FHIT: variants seen among roughly 807,000 people sequenced by gnomAD.
The protein encoded by FHIT is fragile histidine triad diadenosine triphosphatase.
In FHIT, 19 loss-of-function variants were observed where a neutral mutation model predicts 17.9. That is an observed-to-expected ratio of 1.06 (90% CI 0.74 to 1.56). The LOEUF (loss-of-function observed/expected upper bound fraction) is 1.56. FHIT is among the 40% of genes most tolerant of loss of function. FHIT has a pLI of 0.00. For missense variants in FHIT, 248 were observed against 189.2 expected (o/e 1.31, Z -1.82); for synonymous variants, 81 against 69.7 (o/e 1.16, Z -0.81).
At chr3:60,258,065 T>TAC (rs67553597) in intron 5 of FHIT, among the ~76,000 whole-genome samples, 14,897 of 144,454 alleles carry the variant, frequency 0.1, 1,350 homozygotes, top group East Asian at 0.53. Flanking sequence ...GGAAATTAAA[T>TAC]ACACACACAC....
chr3:59,986,540 T>TATATATACACACAC (rs1473518719), intron 7 of FHIT, among the ~76,000 whole-genome samples: 5 of 12,430 alleles, frequency 4.0e-4, no homozygotes, highest in African/African-American at 1.1e-3. Context: ...TATATATATA[T>TATATATACACACAC]ACACACACAC....
intron 3 of FHIT, among the ~76,000 whole-genome samples, chr3:60,929,448 T>C (rs548287078): frequency 9.2e-5 from 14 of 152,330 alleles, no homozygotes; most frequent in Non-Finnish European, 2.1e-4. Flanking sequence ...GACATGATTG[T>C]GTATCTAGAA....
At chr3:60,698,704 T>C (rs372451921) in intron 4 of FHIT, among the ~76,000 whole-genome samples, 53 of 152,194 alleles carry the variant, frequency 3.5e-4, no homozygotes, top group African/African-American at 1.2e-3. Flanking sequence ...TGAGTCTATA[T>C]ATATTTTACA....
intron 4 of FHIT, among the ~76,000 whole-genome samples, chr3:60,550,224 A>G (rs572868977): frequency 1.3e-5 from 2 of 152,364 alleles, no homozygotes; most frequent in East Asian, 3.9e-4. Flanking sequence ...AACAAGGCAC[A>G]TAAATGAATG....
chr3:61,096,604 T>C (rs781491663), intron 2 of FHIT, among the ~76,000 whole-genome samples: 12 of 152,182 alleles, frequency 7.9e-5, no homozygotes, highest in Non-Finnish European at 1.6e-4. Flanking sequence ...TGTCTGGGTT[T>C]CCTGTGGAGG....
At chr3:61,214,161 C>A (rs1264629295) in intron 1 of FHIT, among the ~76,000 whole-genome samples, 1 of 152,060 alleles carries the variant, frequency 6.6e-6, no homozygotes, top group African/African-American at 2.4e-5. Context: ...AAAATCAGAG[C>A]AGAACTGAAG....
chr3:60,096,268 G>A (rs1177752356), intron 5 of FHIT, among the ~76,000 whole-genome samples: 2 of 151,492 alleles, frequency 1.3e-5, no homozygotes, highest in African/African-American at 2.4e-5. Context: ...GCTTTCAGCA[G>A]AGTGGGGATG....
At chr3:60,016,880 G>A (rs769680179) in intron 5 of FHIT, among the ~76,000 whole-genome samples, 8 of 152,154 alleles carry the variant, frequency 5.3e-5, no homozygotes, top group African/African-American at 1.4e-4. Context: ...ACTTTTGTAC[G>A]TACTCTTACT....
chr3:61,219,299 T>C (rs2039771531), intron 1 of FHIT, among the ~76,000 whole-genome samples: 1 of 151,264 alleles, frequency 6.6e-6, no homozygotes, highest in African/African-American at 2.4e-5. Flanking sequence ...TCTATCATCT[T>C]TGTGTACATC....
chr3:60,559,757 C>G (rs62249077), intron 4 of FHIT, among the ~76,000 whole-genome samples: 2 of 61,162 alleles, frequency 3.3e-5, no homozygotes, highest in East Asian at 1.5e-3. Context: ...AAGCATGTCC[C>G]TCTTACGGGC....
intron 8 of FHIT, among the ~76,000 whole-genome samples, chr3:59,860,921 G>T (rs987207440): frequency 6.6e-6 from 1 of 152,112 alleles, no homozygotes; most frequent in African/African-American, 2.4e-5. Context: ...AAATGGCAGA[G>T]CCCAGGTCCA....
chr3:60,885,551 T>C (rs782674376), intron 3 of FHIT, among the ~76,000 whole-genome samples: 9 of 152,170 alleles, frequency 5.9e-5, no homozygotes, highest in Non-Finnish European at 1.0e-4. Context: ...AACTCTTCAT[T>C]GTTTAACAGT....
intron 5 of FHIT, among the ~76,000 whole-genome samples, chr3:60,284,542 G>A (rs913398421): frequency 6.6e-6 from 1 of 152,070 alleles, no homozygotes; most frequent in African/African-American, 2.4e-5. Flanking sequence ...ATCATGTTAT[G>A]AAACATGGTA....
At chr3:60,952,215 A>G (rs1708920497) in intron 3 of FHIT, among the ~76,000 whole-genome samples, 1 of 142,860 alleles carries the variant, frequency 7.0e-6, no homozygotes, top group Non-Finnish European at 1.5e-5. Context: ...TTATCTATCT[A>G]TACCACACCG....
chr3:60,886,263 C>T (rs1305998654), intron 3 of FHIT, among the ~76,000 whole-genome samples: 3 of 152,118 alleles, frequency 2.0e-5, no homozygotes, highest in African/African-American at 7.2e-5. Context: ...ATGATCCCTC[C>T]CCAGGATGCT....
At chr3:61,237,152 C>T (rs2040251228) in intron 1 of FHIT, among the ~76,000 whole-genome samples, 2 of 152,226 alleles carry the variant, frequency 1.3e-5, no homozygotes, top group East Asian at 1.9e-4. Flanking sequence ...TAAACCAACT[C>T]GTACAGAAAG....
chr3:60,324,289 G>T (rs1157659484), intron 5 of FHIT, among the ~76,000 whole-genome samples: 1 of 151,794 alleles, frequency 6.6e-6, no homozygotes, highest in African/African-American at 2.4e-5. Context: ...TGCCCCTCAA[G>T]ATTCCAGTTA....
chr3:60,485,158 T>C (rs1176927720), intron 5 of FHIT, among the ~76,000 whole-genome samples: 3 of 152,176 alleles, frequency 2.0e-5, no homozygotes, highest in Non-Finnish European at 4.4e-5. Flanking sequence ...AAACAACAGA[T>C]GCTGGTGAGG....
intron 2 of FHIT, among the ~76,000 whole-genome samples, chr3:61,103,977 G>A (rs1466099265): frequency 6.6e-6 from 1 of 151,534 alleles, no homozygotes; most frequent in Non-Finnish European, 1.5e-5. Context: ...CATGAGATGG[G>A]TCTCCTGAAT....
Sources: allele counts gnomAD v4.1 joint callset (sites outside exome capture counted in the v4.1 genomes callset), GRCh38; gene constraint gnomAD v4.1.1; transcripts MANE v1.5; gene names NCBI Gene and HGNC (gene_info 2026-07-23, HGNC 2026-07-21).